FUBP1: variants seen among roughly 807,000 people sequenced by gnomAD.
The protein encoded by FUBP1 is far upstream element-binding protein 1.
In FUBP1, 16 loss-of-function variants were observed where a neutral mutation model predicts 94.9. The ratio of observed to expected loss-of-function variants is 0.17; its 90% confidence interval spans 0.11 to 0.26. The LOEUF (loss-of-function observed/expected upper bound fraction) is 0.26. FUBP1 is among the 10% of genes least tolerant of loss of function. FUBP1 has a pLI of 1.00. For synonymous variants in FUBP1, 279 were observed against 254.9 expected, an observed-to-expected ratio of 1.09 and a Z score of -0.90; for missense variants, 583 against 808.6, an observed-to-expected ratio of 0.72 and a Z score of 3.38.
At chr1:77,976,660 CTTTTTGTAT>C (rs1658659331) in intron 1 of FUBP1, among the ~76,000 whole-genome samples, 1 of 151,916 alleles carries the variant, frequency 6.6e-6, no homozygotes, top group Admixed American at 6.6e-5. Flanking sequence ...AGCCCGGCTA[CTTTTTGTAT>C]TTTTTGTAAA....
upstream of FUBP1, chr1:77,979,143 G>A (rs867480100): frequency 1.2e-6 from 1 of 854,254 alleles, no homozygotes; most frequent in Non-Finnish European, 1.8e-6. Context: ...GGAGACTGAA[G>A]GAACAAAATC....
At chr1:77,962,738 C>A (rs1329959881) in intron 14 of FUBP1, 32 bp downstream of exon 14, 1 of 1,480,714 alleles carries the variant, frequency 6.8e-7, no homozygotes, top group Non-Finnish European at 9.4e-7. Flanking sequence ...TAAGGGTCTA[C>A]ACTAAAAATT....
intron 16 of FUBP1, among the ~76,000 whole-genome samples, chr1:77,959,138 T>A (rs1387362962): frequency 2.0e-5 from 3 of 152,226 alleles, no homozygotes; most frequent in Non-Finnish European, 4.4e-5. Context: ...TTTTTTGGGA[T>A]AAATGTATTA....
chr1:77,969,890 G>A (rs1469658598), intron 2 of FUBP1, 35 bp downstream of exon 2: 2 of 950,442 alleles, frequency 2.1e-6, no homozygotes, highest in South Asian at 1.6e-5. Flanking sequence ...TAAACACTCT[G>A]AAAAACAATT....
At chr1:77,966,230 T>C (rs765633877) in intron 7 of FUBP1, among the ~76,000 whole-genome samples, 1 of 152,164 alleles carries the variant, frequency 6.6e-6, no homozygotes, top group Non-Finnish European at 1.5e-5. Flanking sequence ...ATCATTTGCT[T>C]CCATTTTCTC....
intron 1 of FUBP1, among the ~76,000 whole-genome samples, chr1:77,978,292 G>A (rs1429553986): frequency 6.6e-6 from 1 of 152,190 alleles, no homozygotes; most frequent in South Asian, 2.1e-4. Context: ...CTGGTATAAT[G>A]GGCCTGAGGC....
chr1:77,949,448 C>A (rs1449115279), intron 18 of FUBP1, 148 bp from the exon 19 acceptor site: 2 of 598,672 alleles, frequency 3.3e-6, no homozygotes, highest in Non-Finnish European at 5.8e-6. Context: ...AAAAAAAAAC[C>A]CCTAAACTTT....
chr1:77,967,110 T>C lies in FUBP1; in HGVS notation c.291-9A>G, dbSNP rs1036124071. On this transcript the variant is annotated splice_polypyrimidine_tract_variant and intron_variant, in intron 4 of 19. Transcript: ENST00000370768. ...CTGTCATTACAGATCTGCTAAGAAA[T>C]AACAGAAAGCACCATTTTCCTTCAA... The C allele has an allele frequency of 2.6e-6, 4 of 1,531,032 alleles. No homozygotes were observed. The highest frequency in any genetic ancestry group is 2.8e-5 in the African/African-American group (2 of 72,550). The allele number at this position is 1,531,032 out of a possible 1,614,324, so 94.8% of individuals were successfully genotyped here.
At chr1:77,965,635 T>C (rs2102407455) in intron 7 of FUBP1, among the ~76,000 whole-genome samples, 1 of 152,366 alleles carries the variant, frequency 6.6e-6, no homozygotes, top group East Asian at 1.9e-4. Context: ...GTGCAGGTGC[T>C]ATTCTAGGTA....
chr1:77,966,287 T>G (rs989340311), intron 7 of FUBP1, among the ~76,000 whole-genome samples: 1 of 152,080 alleles, frequency 6.6e-6, no homozygotes, highest in Non-Finnish European at 1.5e-5. Context: ...TGCTGAAGAT[T>G]TGGAGGTGGG....
At position 77,978,958 on chromosome 1, in the gene FUBP1, C is replaced by T; in HGVS notation, c.47G>A (p.Gly16Asp). The T allele has an allele frequency of 6.2e-7, 1 of 1,613,872 alleles. No individual in the cohort carries two copies. The highest frequency in any genetic ancestry group is 8.5e-7 in the Non-Finnish European group (1 of 1,179,846). ...TVPPPSSGSAGGGGGGGGGGG... is the reference protein window; with the variant it reads ...TVPPPSSGSADGGGGGGGGGG... ...ACCACCACCGCCGCCACCACCGCCA[C>T]CAGCTGAGCCAGAAGAGGGGGGAGG... The change falls in exon 1 of 20, where the codon GGT becomes GAT. Residue 16 changes from glycine (G) to aspartate (D), a missense_variant. Physicochemically the swap from Gly to Asp is moderately conservative, Grantham distance 94. Transcript: ENST00000370768.
At chr1:77,958,495 T>C (rs1013443922) in intron 16 of FUBP1, among the ~76,000 whole-genome samples, 3 of 152,222 alleles carry the variant, frequency 2.0e-5, no homozygotes, top group Non-Finnish European at 4.4e-5. Context: ...TAAAACAGTA[T>C]GCTATTCTAA....
intron 1 of FUBP1, among the ~76,000 whole-genome samples, chr1:77,977,287 C>G (rs896513345): frequency 6.6e-6 from 1 of 152,062 alleles, no homozygotes; most frequent in Non-Finnish European, 1.5e-5. Context: ...GGGCGGATCA[C>G]GAGGTCAGGA....
intron 16 of FUBP1, among the ~76,000 whole-genome samples, chr1:77,959,437 TGAG>T (rs976990025): frequency 6.6e-6 from 1 of 152,208 alleles, no homozygotes; most frequent in African/African-American, 2.4e-5. Flanking sequence ...AGTTGTCATA[TGAG>T]GAGTACTAGA....
At chr1:77,960,137 G>A (rs746061365) in intron 16 of FUBP1, 47 bp downstream of exon 16, 11 of 1,270,390 alleles carry the variant, frequency 8.7e-6, no homozygotes, top group Non-Finnish European at 1.3e-5. Flanking sequence ...AATGTAACAG[G>A]AGTGGAAAAT....
At chr1:77,975,121 A>G (rs1658356105) in intron 1 of FUBP1, among the ~76,000 whole-genome samples, 1 of 152,162 alleles carries the variant, frequency 6.6e-6, no homozygotes, top group Admixed American at 6.5e-5. Context: ...AATATTTCTG[A>G]TCCATGGTTG....
intron 1 of FUBP1, among the ~76,000 whole-genome samples, chr1:77,971,533 T>C (rs572708073): frequency 1.3e-5 from 2 of 152,174 alleles, no homozygotes; most frequent in East Asian, 3.8e-4. Context: ...GTTAAGATTA[T>C]AGTTAAGTGC....
Position 77,967,054 on chromosome 1 carries a change from C to G in FUBP1, c.338G>C (p.Gly113Ala), listed in dbSNP as rs1439800900. The G allele has an allele frequency of 1.9e-6, 3 of 1,577,432 alleles. No individual in the cohort carries two copies. Among genetic ancestry groups the G allele is most frequent in the Non-Finnish European group, 2.6e-6 (3 of 1,148,644 alleles). ...TTAAAAATCAAGTTACTTACTGAAT[C>G]CAACCATTCCATCTGGAACTTTGTA... ...EEYKVPDGMV[G>A]FIIGRGGEQI... is the part of the protein sequence containing the mutation. Residue 113 changes from glycine (G) to alanine (A), a missense_variant, in exon 5 of 20, where the codon GGA becomes GCA. Coordinates refer to ENST00000370768, the MANE Select transcript of FUBP1 (RefSeq NM_003902.5).
At chr1:77,951,570 G>A (rs1184546673) in intron 18 of FUBP1, among the ~76,000 whole-genome samples, 3 of 152,152 alleles carry the variant, frequency 2.0e-5, no homozygotes, top group Non-Finnish European at 4.4e-5. Context: ...TTGAGACAGG[G>A]TCTTGCTCTG....
Sources: allele counts gnomAD v4.1 joint callset (sites outside exome capture counted in the v4.1 genomes callset), GRCh38; gene constraint gnomAD v4.1.1; transcripts MANE v1.5; gene names NCBI Gene and HGNC (gene_info 2026-07-23, HGNC 2026-07-21).